Variants in SAMMSON observed in about 807,000 individuals in gnomAD.
The protein encoded by SAMMSON is survival associated mitochondrial melanoma specific oncogenic non-coding RNA.
chr3:70,064,345 T>A (rs964966266), intron 3 of SAMMSON, among the ~76,000 whole-genome samples: 2 of 152,158 alleles, frequency 1.3e-5, no homozygotes, highest in African/African-American at 2.4e-5. Context: ...ACACTTTAAT[T>A]AAGCACTTGT....
intron 4 of SAMMSON, among the ~76,000 whole-genome samples, chr3:70,100,145 A>G (rs1004720222): frequency 1.3e-5 from 2 of 151,794 alleles, no homozygotes; most frequent in Admixed American, 6.6e-5. Context: ...GCATATTTTC[A>G]TACTCTTTTT....
chr3:70,126,135 G>T (rs2067457560), intron 4 of SAMMSON: 6 of 1,265,100 alleles, frequency 4.7e-6, no homozygotes, highest in Admixed American at 4.0e-5. Context: ...AAGGTGGTGG[G>T]TACATATACT....
In SAMMSON at chr3:70,286,877, A is replaced by G. The variant is rs535634105; in HGVS notation, n.675-4302A>G. Among the ~76,000 whole-genome samples, 9 of 152,124 alleles carry G rather than the reference A, an allele frequency of 5.9e-5. No individual in the cohort carries two copies. In the East Asian group the frequency reaches 1.7e-3, roughly 29 times the overall value. On this transcript the variant is annotated intron_variant and non_coding_transcript_variant, in intron 6 of 9. Coordinates refer to ENST00000642114, the Ensembl canonical transcript of SAMMSON. The stretch of plus-strand genomic sequence containing the variant: ...TCTGTTTGTCTGTTGTTGGTGTATA[A>G]GAATGCTTGTGATTTTTGTACATTG...
At chr3:70,072,193 C>G (rs1317146276) in intron 4 of SAMMSON, 2 of 151,740 alleles carry the variant, frequency 1.3e-5, no homozygotes, top group Non-Finnish European at 1.5e-5. Context: ...AAAGTTGTTC[C>G]AGGTTTTTTC....
At chr3:70,276,519 T>A (rs1702028157) in intron 6 of SAMMSON, among the ~76,000 whole-genome samples, 1 of 152,202 alleles carries the variant, frequency 6.6e-6, no homozygotes, top group African/African-American at 2.4e-5. Context: ...GAATTATGAT[T>A]CATTCCATGT....
intron 7 of SAMMSON, among the ~76,000 whole-genome samples, chr3:70,292,321 A>G (rs1160440439): frequency 6.6e-6 from 1 of 152,182 alleles, no homozygotes; most frequent in Non-Finnish European, 1.5e-5. Context: ...ATCTATTAGA[A>G]TGGAGTCTCT....
chr3:70,300,363 C>T (rs1163942129), intron 7 of SAMMSON, among the ~76,000 whole-genome samples: 1 of 152,040 alleles, frequency 6.6e-6, no homozygotes, highest in Non-Finnish European at 1.5e-5. Context: ...TTATTATAGG[C>T]ACATCGAGTA....
intron 4 of SAMMSON, among the ~76,000 whole-genome samples, chr3:70,114,317 G>C (rs1406195721): frequency 1.3e-5 from 2 of 152,336 alleles, no homozygotes; most frequent in East Asian, 3.9e-4. Context: ...CAAGGGTCTA[G>C]ATCTTGTACT....
chr3:70,354,810 C>G (rs1448479689), intron 8 of SAMMSON, among the ~76,000 whole-genome samples: 1 of 152,156 alleles, frequency 6.6e-6, no homozygotes, highest in Non-Finnish European at 1.5e-5. Flanking sequence ...CCCAGCGTTC[C>G]TTCCCTCTGT....
intron 7 of SAMMSON, among the ~76,000 whole-genome samples, chr3:70,324,818 C>T (rs989524822): frequency 6.6e-6 from 1 of 151,428 alleles, no homozygotes; most frequent in Non-Finnish European, 1.5e-5. Context: ...CGTAATGCAT[C>T]ATGATATATA....
At chr3:70,174,177 A>T (rs1209816640) in intron 4 of SAMMSON, among the ~76,000 whole-genome samples, 2 of 151,966 alleles carry the variant, frequency 1.3e-5, no homozygotes, top group Non-Finnish European at 2.9e-5. Context: ...ATTGATTTGT[A>T]TTCATTTTCA....
At chr3:70,102,433 C>T (rs1160332203) in intron 4 of SAMMSON, among the ~76,000 whole-genome samples, 2 of 152,148 alleles carry the variant, frequency 1.3e-5, no homozygotes, top group African/African-American at 2.4e-5. Context: ...TGAAGACCAT[C>T]TGTAGTAATT....
chr3:70,109,325 C>G (rs538555631), intron 4 of SAMMSON, among the ~76,000 whole-genome samples: 4 of 152,260 alleles, frequency 2.6e-5, no homozygotes, highest in South Asian at 4.2e-4. Flanking sequence ...CGGAGCTCTC[C>G]TCTTCTCTCA....
At chr3:70,330,168 C>T (rs949685345) in intron 7 of SAMMSON, among the ~76,000 whole-genome samples, 1 of 151,792 alleles carries the variant, frequency 6.6e-6, no homozygotes, top group African/African-American at 2.4e-5. Context: ...AATATATAAA[C>T]TTTAAGAGAA....
At chr3:70,216,410 C>G in intron 4 of SAMMSON, among the ~76,000 whole-genome samples, 1 of 151,822 alleles carries the variant, frequency 6.6e-6, no homozygotes, top group East Asian at 1.9e-4. Flanking sequence ...ATACTCCCAG[C>G]AACCCTATGT....
At chr3:70,310,160 T>C (rs1332958208) in intron 7 of SAMMSON, among the ~76,000 whole-genome samples, 2 of 151,986 alleles carry the variant, frequency 1.3e-5, no homozygotes, top group Non-Finnish European at 2.9e-5. Context: ...AAAAGACCTT[T>C]TCAAAAAAAG....
At chr3:70,377,497 G>A (rs1360631771) in intron 9 of SAMMSON, among the ~76,000 whole-genome samples, 1 of 152,042 alleles carries the variant, frequency 6.6e-6, no homozygotes, top group Non-Finnish European at 1.5e-5. Context: ...ATAAATTCCA[G>A]ATGGGTAAAA....
intron 4 of SAMMSON, among the ~76,000 whole-genome samples, chr3:70,116,765 G>A (rs1385512433): frequency 2.6e-5 from 4 of 152,000 alleles, no homozygotes; most frequent in East Asian, 1.9e-4. Context: ...TCTTTTAAAA[G>A]GACCTTATCA....
intron 7 of SAMMSON, among the ~76,000 whole-genome samples, chr3:70,337,210 A>T (rs1325808471): frequency 6.8e-6 from 1 of 147,900 alleles, no homozygotes; most frequent in Non-Finnish European, 1.5e-5. Flanking sequence ...ATATAATCTA[A>T]CTTAATAATA....
Sources: gnomAD v4.1 joint callset for allele counts (sites outside exome capture counted in the v4.1 genomes callset) on GRCh38, gnomAD v4.1.1 for gene constraint, MANE v1.5 for transcripts, NCBI Gene and HGNC (gene_info 2026-07-23, HGNC 2026-07-21) for gene names.